The following PCSK5 variants were observed in gnomAD, a reference collection of about 807,000 sequenced individuals.
PCSK5 encodes the protein prohormone convertase 5.
PCSK5 carries 129 observed loss-of-function variants against 233.2 expected under a neutral mutation model. The ratio of observed to expected loss-of-function variants is 0.55; its 90% confidence interval spans 0.48 to 0.64. PCSK5 has a LOEUF of 0.64. Ranked by LOEUF, PCSK5 falls within the 30% of genes least tolerant of loss-of-function variation. The pLI is 0.00. For missense variants in PCSK5, 2,076 were observed against 2,430.1 expected, an observed-to-expected ratio of 0.85 and a Z score of 3.06; for synonymous variants, 825 against 879.2, an observed-to-expected ratio of 0.94 and a Z score of 1.09.
intron 5 of PCSK5, among the ~76,000 whole-genome samples, chr9:76,064,917 G>A (rs1337820240): frequency 1.3e-5 from 2 of 152,204 alleles, no homozygotes; most frequent in African/African-American, 4.8e-5. Context: ...GAACTCCTGG[G>A]CTCAAGTAAT....
intron 20 of PCSK5, among the ~76,000 whole-genome samples, chr9:76,191,696 A>C (rs1431743675): frequency 6.6e-6 from 1 of 152,138 alleles, no homozygotes; most frequent in African/African-American, 2.4e-5. Flanking sequence ...GGCTGATTCT[A>C]CTATAGCACA....
intron 21 of PCSK5, 128 bp downstream of exon 21, chr9:76,227,733 C>G (rs1287505332): frequency 4.6e-6 from 3 of 654,044 alleles, no homozygotes; most frequent in African/African-American, 3.6e-5. Context: ...CTTTCCCACT[C>G]CACAGATATT....
At chr9:76,161,127 T>G (rs28581509) in intron 12 of PCSK5, among the ~76,000 whole-genome samples, 8,396 of 152,318 alleles carry the variant, frequency 0.055, 773 homozygotes, top group African/African-American at 0.19. Flanking sequence ...CTTGCTGTGT[T>G]CTTTCAAATC....
chr9:76,328,416 C>T (rs765137971), intron 33 of PCSK5, among the ~76,000 whole-genome samples, 177 bp downstream of exon 33: 3 of 152,218 alleles, frequency 2.0e-5, no homozygotes, highest in African/African-American at 7.2e-5. Flanking sequence ...GAACAGCGCA[C>T]GGATGTGCTT....
At chr9:75,989,546 C>T (rs1476392151) in intron 3 of PCSK5, among the ~76,000 whole-genome samples, 2 of 151,808 alleles carry the variant, frequency 1.3e-5, no homozygotes, top group Non-Finnish European at 2.9e-5. Context: ...GGAATTCAGA[C>T]GGGGCCCAGG....
chr9:76,131,275 C>G (rs951284150), intron 9 of PCSK5, among the ~76,000 whole-genome samples: 2 of 152,070 alleles, frequency 1.3e-5, no homozygotes, highest in Non-Finnish European at 2.9e-5. Flanking sequence ...AATAAATAAA[C>G]CATAATGTCC....
intron 22 of PCSK5, among the ~76,000 whole-genome samples, chr9:76,235,017 A>G (rs917421638): frequency 2.0e-5 from 3 of 152,136 alleles, no homozygotes; most frequent in African/African-American, 7.2e-5. Context: ...TTCCCCCTTC[A>G]TGAGCCTCAA....
chr9:75,965,000 G>A lies in PCSK5; in HGVS notation c.298-21132G>A, dbSNP rs367927073. 2.0e-5 allele frequency among the ~76,000 whole-genome samples: 3 copies of A among 152,268 alleles called. No individual in the cohort carries two copies. In the East Asian group the frequency reaches 5.8e-4, roughly 29 times the overall value. On this transcript the variant is annotated intron_variant, in intron 2 of 37. Coordinates refer to ENST00000674117, the MANE Select transcript of PCSK5 (RefSeq NM_001372043.1). Reference sequence around the variant, plus strand: ...ATAGTAGTCCAGAGGCAGGCCTGAGGGGGAACAGACCTTTCCTATCACAAA... The same window carrying A: ...ATAGTAGTCCAGAGGCAGGCCTGAGAGGGAACAGACCTTTCCTATCACAAA...
At chr9:76,337,539 T>C (rs1323531209) in intron 34 of PCSK5, among the ~76,000 whole-genome samples, 2 of 152,012 alleles carry the variant, frequency 1.3e-5, no homozygotes, top group Non-Finnish European at 2.9e-5. Flanking sequence ...AGTGGCATGA[T>C]CTCGGCTCAC....
At chr9:76,034,907 T>A (rs1412830268) in intron 5 of PCSK5, among the ~76,000 whole-genome samples, 1 of 152,188 alleles carries the variant, frequency 6.6e-6, no homozygotes, top group Admixed American at 6.5e-5. Context: ...GTGTCCGAAT[T>A]GAAGTTGCTG....
chr9:76,133,123 C>CT (rs1371365568), intron 9 of PCSK5, among the ~76,000 whole-genome samples: 1 of 152,018 alleles, frequency 6.6e-6, no homozygotes. Flanking sequence ...CTCTCCCATC[C>CT]TTTGCAAATA....
chr9:75,915,914 A>G (rs77575996), intron 1 of PCSK5, among the ~76,000 whole-genome samples: 2,741 of 152,316 alleles, frequency 0.018, 39 homozygotes, highest in South Asian at 0.036. Flanking sequence ...GGGAAGTTAC[A>G]TATTCTTAAA....
At chr9:76,004,951 T>C (rs944802889) in intron 3 of PCSK5, among the ~76,000 whole-genome samples, 5 of 152,198 alleles carry the variant, frequency 3.3e-5, no homozygotes, top group Non-Finnish European at 4.4e-5. Flanking sequence ...CATTGGTTCT[T>C]ATGTCCTTTT....
intron 5 of PCSK5, among the ~76,000 whole-genome samples, chr9:76,067,192 A>T (rs1441379246): frequency 6.6e-6 from 1 of 152,236 alleles, no homozygotes. Context: ...CAGCTAAAAG[A>T]TGTCTCTAAT....
chr9:76,225,766 C>T (rs1825870033), intron 20 of PCSK5, among the ~76,000 whole-genome samples: 1 of 152,226 alleles, frequency 6.6e-6, no homozygotes, highest in Non-Finnish European at 1.5e-5. Context: ...CTCAGGGCTA[C>T]TGGTTACCAA....
intron 5 of PCSK5, among the ~76,000 whole-genome samples, chr9:76,064,875 C>A (rs79518863): frequency 2.6e-5 from 4 of 152,190 alleles, no homozygotes; most frequent in Non-Finnish European, 4.4e-5. Context: ...TTTGTAGAGA[C>A]GCAGTCTCCC....
chr9:76,023,698 C>A lies in PCSK5; in HGVS notation c.412-40C>A, dbSNP rs377556159. The A allele has an allele frequency of 2.1e-5, 33 of 1,538,282 alleles. 1 individual carries two copies. The African/African-American group carries it at 4.1e-4, about 19-fold the overall frequency. On this transcript the variant is annotated intron_variant, in intron 3 of 37. Coordinates refer to ENST00000674117, the MANE Select transcript of PCSK5 (RefSeq NM_001372043.1). ...GAAATAGGTAATTCTTCCATTTCCT[C>A]ACTATTTAGTAATCTTGCAGCATGC...
At chr9:76,173,337 C>G (rs34941330) in intron 13 of PCSK5, among the ~76,000 whole-genome samples, 1 of 151,986 alleles carries the variant, frequency 6.6e-6, no homozygotes, top group African/African-American at 2.4e-5. Context: ...TGTCTGGATT[C>G]TATGCATTCA....
intron 31 of PCSK5, among the ~76,000 whole-genome samples, chr9:76,322,308 G>A (rs1829231467): frequency 6.6e-6 from 1 of 152,108 alleles, no homozygotes; most frequent in Non-Finnish European, 1.5e-5. Flanking sequence ...AAAACACAGA[G>A]GTAGCTAGAA....
Sources: allele counts gnomAD v4.1 joint callset (sites outside exome capture counted in the v4.1 genomes callset), GRCh38; gene constraint gnomAD v4.1.1; transcripts MANE v1.5; gene names NCBI Gene and HGNC (gene_info 2026-07-23, HGNC 2026-07-21).